Variants in SERPINA4 observed in about 807,000 individuals in gnomAD.
The protein encoded by SERPINA4 is kallistatin.
In SERPINA4, 24 loss-of-function variants were observed where a neutral mutation model predicts 25.4. That is an observed-to-expected ratio of 0.95 (90% CI 0.69 to 1.33). SERPINA4 has a LOEUF of 1.33. Ranked by LOEUF, SERPINA4 falls within the 40% of genes most tolerant of loss-of-function variation. The pLI, the probability that SERPINA4 is intolerant of heterozygous loss-of-function variation, is 0.00. For missense variants in SERPINA4, 553 were observed against 535.8 expected (o/e 1.03, Z -0.32); for synonymous variants, 242 against 223.6 (o/e 1.08, Z -0.73).
chr14:94,569,390 C>T lies in SERPINA4; in HGVS notation c.1084-5C>T, dbSNP rs780716979. 5 of 1,613,104 alleles carry T rather than the reference C, an allele frequency of 3.1e-6. No individual in the cohort carries two copies. In the South Asian group the frequency reaches 4.4e-5, roughly 14 times the overall value. On this transcript the variant is annotated splice_region_variant and splice_polypyrimidine_tract_variant and intron_variant, in intron 4 of 4. Coordinates refer to ENST00000557004, the MANE Select transcript of SERPINA4 (RefSeq NM_006215.4). ...TGGAGATAATGCTTGTGATTTTCCT[C>T]CCAGAGTTTCCACAAGGCCACCTTG... is the stretch of plus-strand genomic sequence containing the variant.
chr14:94,568,411 C>A, intron 4 of SERPINA4, 123 bp downstream of exon 4: 1 of 997,460 alleles, frequency 1.0e-6, no homozygotes, highest in South Asian at 1.6e-5. Flanking sequence ...GTTCAGTCAT[C>A]TACAGGCATC....
chr14:94,569,741 G>T lies in SERPINA4; in HGVS notation c.*146G>T. 1.2e-6 allele frequency: 1 copy of T among 815,522 alleles called. No homozygotes were observed. Among genetic ancestry groups the T allele is most frequent in the Non-Finnish European group, 1.9e-6 (1 of 518,334 alleles). The allele number at this position is 815,522 out of a possible 1,614,324, so 50.5% of individuals were successfully genotyped here. A position where few individuals can be genotyped will look rare whatever the true frequency, so the allele number is the denominator to read the frequency against. ...CAGCAGGTGCTGGCCGGTGGGGAGC[G>T]GGGAGGGGCACTGAGATGGGCAGGG... On this transcript the variant is annotated 3_prime_UTR_variant, in exon 5 of 5. Transcript: ENST00000557004.
intron 1 of SERPINA4, chr14:94,561,768 C>T (rs559530503): frequency 4.1e-4 from 526 of 1,289,608 alleles, no homozygotes; most frequent in South Asian, 9.1e-4. Flanking sequence ...TGGTACAGGG[C>T]GGCACTGACT....
chr14:94,569,869 A>C lies in SERPINA4; in HGVS notation c.*274A>C. ...AAAGGGGGCGGGCCCTTTTCACAAC[A>C]GGCTGGTTGTACCGAGTAAACAACA... On this transcript the variant is annotated 3_prime_UTR_variant, in exon 5 of 5. Transcript: ENST00000557004. 2.0e-6 allele frequency: 1 copy of C among 508,580 alleles called. No individual in the cohort carries two copies. The allele number at this position is 508,580 out of a possible 1,614,324, so 31.5% of individuals were successfully genotyped here.
rs1278001819 is a variant in SERPINA4, at chr14:94,568,129, G to A, written c.924G>A (p.Arg308=). ...LMRWNNLLRK[R]NFYKKLELHL... Reference sequence around the variant, plus strand: ...TGTTCTAACTCAATGCCCCTTTCAGGAATTTTTACAAGAAGCTAGAGTTGC... The same window carrying A: ...TGTTCTAACTCAATGCCCCTTTCAGAAATTTTTACAAGAAGCTAGAGTTGC... The change falls in exon 4 of 5, where the codon AGG becomes AGA. Residue 308 remains arginine (R), a splice_region_variant and synonymous_variant. Transcript: ENST00000557004. 1.4e-5 allele frequency: 23 copies of A among 1,614,148 alleles called. No individual in the cohort carries two copies. The highest frequency in any genetic ancestry group is 1.8e-5 in the Non-Finnish European group (21 of 1,180,014).
At position 94,563,729 on chromosome 14, in the gene SERPINA4, T is replaced by A. The variant is rs749254647; in HGVS notation, c.247T>A (p.Ser83Thr). Reference sequence around the variant, plus strand: ...CATCTTTTTCTCCCCGCTGAGCATCTCGGCGGCCTACGCCATGCTTTCCCT... The same window carrying A: ...CATCTTTTTCTCCCCGCTGAGCATCACGGCGGCCTACGCCATGCTTTCCCT... The part of the protein sequence containing the change: ...KNIFFSPLSI[S>T]AAYAMLSLGA... Residue 83 changes from serine to threonine, a missense_variant, in exon 2 of 5, where the codon TCG (serine) becomes ACG (threonine). Coordinates refer to ENST00000557004, the MANE Select transcript of SERPINA4 (RefSeq NM_006215.4). 1 of 1,614,012 alleles carries A rather than the reference T, an allele frequency of 6.2e-7. No individual in the cohort carries two copies. The highest frequency in any genetic ancestry group is 1.7e-5 in the Admixed American group (1 of 60,026).
In SERPINA4 at chr14:94,569,596, C is replaced by G; in HGVS notation, c.*1C>G. The G allele has an allele frequency of 6.2e-7, 1 of 1,614,106 alleles. No individual in the cohort carries two copies. Among genetic ancestry groups the G allele is most frequent in the Non-Finnish European group, 8.5e-7 (1 of 1,179,970 alleles). ...GGTCGTCGACCCCACGAAACCATAGCCCTCCCAGGGCTGCTCATCTGTTCC... is the reference window on the plus strand; with the variant it reads ...GGTCGTCGACCCCACGAAACCATAGGCCTCCCAGGGCTGCTCATCTGTTCC... On this transcript the variant is annotated 3_prime_UTR_variant, in exon 5 of 5. Coordinates refer to ENST00000557004, the MANE Select transcript of SERPINA4 (RefSeq NM_006215.4).
intron 3 of SERPINA4, among the ~76,000 whole-genome samples, chr14:94,567,888 G>A (rs1902270523): frequency 6.6e-6 from 1 of 152,232 alleles, no homozygotes; most frequent in South Asian, 2.1e-4. Flanking sequence ...ACACCCACAG[G>A]AAGCAACCTC....
In SERPINA4 at chr14:94,567,286, T is replaced by A. The variant is rs200788746; in HGVS notation, c.923+43T>A. ...GGGGCTGAATCTACAGTACTATCCA[T>A]CAAATGTAACTTTCTAATGAAAGAC... On this transcript the variant is annotated intron_variant, in intron 3 of 4. Coordinates refer to ENST00000557004, the MANE Select transcript of SERPINA4 (RefSeq NM_006215.4). 281 of 1,552,758 alleles carry A rather than the reference T, an allele frequency of 1.8e-4. 1 individual carries two copies. The highest frequency in any genetic ancestry group is 2.3e-4 in the Non-Finnish European group (265 of 1,152,056).
rs777710811 is a variant in SERPINA4 at position 94,563,908 on chromosome 14, T to C, written c.426T>C (p.Ala142=). Reference sequence around the variant, plus strand: ...GGCTGGAAACACGCGTGGGCAGTGCTCTGTTCCTGAGCCACAACCTGAAGT... The same window carrying C: ...GGCTGGAAACACGCGTGGGCAGTGCCCTGTTCCTGAGCCACAACCTGAAGT... ...GHGLETRVGS[A]LFLSHNLKFL... is the part of the protein sequence containing the mutation. Residue 142 remains alanine (A), a synonymous_variant, in exon 2 of 5, where the codon GCT becomes GCC. Transcript: ENST00000557004. The C allele has an allele frequency of 6.2e-7, 1 of 1,614,190 alleles. No individual in the cohort carries two copies. The highest frequency in any genetic ancestry group is 8.5e-7 in the Non-Finnish European group (1 of 1,180,050).
Position 94,568,284 on chromosome 14 carries a change from C to T in SERPINA4, c.1079C>T (p.Ser360Phe). 1 of 1,614,168 alleles carries T rather than the reference C, an allele frequency of 6.2e-7. No homozygotes were observed. Residue 360 changes from serine (S) to phenylalanine (F), a missense_variant, in exon 4 of 5, where the codon TCC becomes TTC. By Grantham distance (155) the Ser-to-Phe change is radical. Coordinates refer to ENST00000557004, the MANE Select transcript of SERPINA4 (RefSeq NM_006215.4). ...GITKQQKLEA[S>F]KSFHKATLDV... Reference sequence around the variant, plus strand: ...ACCAAACAGCAAAAACTGGAGGCATCCAAAGTAAGTCGTCAACAGTCAGCA... The same window carrying T: ...ACCAAACAGCAAAAACTGGAGGCATTCAAAGTAAGTCGTCAACAGTCAGCA...
chr14:94,564,085 C>A lies in SERPINA4; in HGVS notation c.603C>A (p.Leu201=). 6.2e-7 allele frequency: 1 copy of A among 1,604,066 alleles called. No individual in the cohort carries two copies. Among genetic ancestry groups the A allele is most frequent in the Non-Finnish European group, 8.5e-7 (1 of 1,179,984 alleles). ...AGATTGTGGATTTGGTCAGTGAGCT[C>A]AAGAAGGACGTCTTGATGGTGCTGG... ...RGKIVDLVSE[L]KKDVLMVLVN... The change falls in exon 2 of 5, where the codon CTC becomes CTA. Residue 201 remains leucine (L), a synonymous_variant. Transcript: ENST00000557004.
In SERPINA4 at chr14:94,563,447, A is replaced by G. The variant is rs1384783409; in HGVS notation, c.-17-19A>G. The G allele has an allele frequency of 6.3e-7, 1 of 1,577,282 alleles. No individual in the cohort carries two copies. The highest frequency in any genetic ancestry group is 8.6e-7 in the Non-Finnish European group (1 of 1,159,000). On this transcript the variant is annotated intron_variant, in intron 1 of 4. Transcript: ENST00000557004. ...GTTCTTCTGGGGGAATTTCCTGGGC[A>G]TTCTCTTCCCTCCCATAGGCCTGAG...
At chr14:94,568,046 A>C in intron 3 of SERPINA4, 83 bp from the exon 4 acceptor site, 1 of 1,406,188 alleles carries the variant, frequency 7.1e-7, no homozygotes, top group Non-Finnish European at 9.9e-7. Context: ...AGCCAGCTAG[A>C]GAGGGCCACC....
At chr14:94,562,549 G>A (rs188296890) in intron 1 of SERPINA4, among the ~76,000 whole-genome samples, 1 of 152,166 alleles carries the variant, frequency 6.6e-6, no homozygotes, top group East Asian at 1.9e-4. Context: ...GCTGCAGTGA[G>A]CCATGATTAC....
Position 94,563,470 on chromosome 14 carries a change from G to A in SERPINA4, c.-13G>A, listed in dbSNP as rs1255091509. 4.4e-6 allele frequency: 7 copies of A among 1,602,892 alleles called. No homozygotes were observed. The highest frequency in any genetic ancestry group is 8.5e-7 in the Non-Finnish European group (1 of 1,172,636). On this transcript the variant is annotated 5_prime_UTR_variant, in exon 2 of 5. Transcript: ENST00000557004. ...GCATTCTCTTCCCTCCCATAGGCCT[G>A]AGAGTGCAGAGGATGCATCTTATCG...
At chr14:94,561,547 C>G in intron 1 of SERPINA4, 53 bp downstream of exon 1, 1 of 760,048 alleles carries the variant, frequency 1.3e-6, no homozygotes. Flanking sequence ...GGAGGGTGAC[C>G]AACTGTTCCA....
At chr14:94,567,771 C>T (rs1309289097) in intron 3 of SERPINA4, among the ~76,000 whole-genome samples, 1 of 152,160 alleles carries the variant, frequency 6.6e-6, no homozygotes, top group Non-Finnish European at 1.5e-5. Context: ...GAATCCAATC[C>T]AAAGAAATTA....
In SERPINA4 at chr14:94,567,016, C is replaced by T. The variant is rs1236399161; in HGVS notation, c.696C>T (p.Asp232=). The T allele has an allele frequency of 1.9e-6, 3 of 1,614,082 alleles. No homozygotes were observed. In the Admixed American group the frequency reaches 5.0e-5, roughly 27 times the overall value. Reference sequence around the variant, plus strand: ...TTTCCTCAAGGACCACTCCCAAAGACTTCTATGTTGATGAGAACACAACAG... The same window carrying T: ...TTTCCTCAAGGACCACTCCCAAAGATTTCTATGTTGATGAGAACACAACAG... ...PFISSRTTPK[D]FYVDENTTVR... The change falls in exon 3 of 5, where the codon GAC becomes GAT. Residue 232 remains aspartate (D), a synonymous_variant. Transcript: ENST00000557004.
Sources: allele counts gnomAD v4.1 joint callset (sites outside exome capture counted in the v4.1 genomes callset), GRCh38; gene constraint gnomAD v4.1.1; transcripts MANE v1.5; gene names NCBI Gene and HGNC (gene_info 2026-07-23, HGNC 2026-07-21).